The following CHSY3 variants were observed in gnomAD, a reference collection of about 807,000 sequenced individuals.
CHSY3 encodes N-acetylgalactosaminyl-proteoglycan 3-beta-glucuronosyltransferase 3.
Under a neutral mutation model 67.2 loss-of-function variants are expected in CHSY3, and 35 were observed. That is an observed-to-expected ratio of 0.52 (90% CI 0.40 to 0.69). The LOEUF (loss-of-function observed/expected upper bound fraction) is 0.69. Among genes scored for constraint, CHSY3 ranks in the 30% least tolerant of loss-of-function variants. The probability of loss-of-function intolerance (pLI) is 0.00; values close to 1 mark genes in which losing one functional copy is unlikely to be tolerated. For synonymous variants in CHSY3, 474 were observed against 434.7 expected, an observed-to-expected ratio of 1.09 and a Z score of -1.12; for missense variants, 1,069 against 1,138.5, an observed-to-expected ratio of 0.94 and a Z score of 0.88.
chr5:129,977,869 A>T (rs1167116439), intron 2 of CHSY3, among the ~76,000 whole-genome samples: 1 of 32,368 alleles, frequency 3.1e-5, no homozygotes, highest in African/African-American at 8.0e-5. Flanking sequence ...TATAAGAAGT[A>T]AAAAAAAAAA....
chr5:129,977,325 A>G (rs1206599946), intron 2 of CHSY3, among the ~76,000 whole-genome samples: 1 of 152,196 alleles, frequency 6.6e-6, no homozygotes, highest in Non-Finnish European at 1.5e-5. Context: ...GCACAATTAT[A>G]AAGCATAAGC....
chr5:130,140,094 C>T (rs942617639), intron 2 of CHSY3: 3 of 208,258 alleles, frequency 1.4e-5, no homozygotes, highest in Non-Finnish European at 2.9e-5. Context: ...GGGTATTTTC[C>T]AGCATGAACA....
At chr5:130,180,932 A>G (rs187752550) in intron 2 of CHSY3, among the ~76,000 whole-genome samples, 1 of 152,334 alleles carries the variant, frequency 6.6e-6, no homozygotes, top group East Asian at 1.9e-4. Flanking sequence ...TTCATTATTA[A>G]TAATTCTAAG....
At chr5:130,143,565 T>G (rs1023791454) in intron 2 of CHSY3, among the ~76,000 whole-genome samples, 1 of 151,368 alleles carries the variant, frequency 6.6e-6, no homozygotes, top group African/African-American at 2.4e-5. Flanking sequence ...CTGGTTGATA[T>G]TTGGGCCATT....
intron 2 of CHSY3, among the ~76,000 whole-genome samples, chr5:130,181,348 T>G (rs915845069): frequency 2.6e-4 from 39 of 152,196 alleles, no homozygotes; most frequent in Non-Finnish European, 3.5e-4. Flanking sequence ...TGTATCATGA[T>G]CTATAGAAAA....
intron 2 of CHSY3, among the ~76,000 whole-genome samples, chr5:129,948,187 AT>A (rs1761917552): frequency 1.3e-5 from 2 of 152,104 alleles, no homozygotes; most frequent in African/African-American, 4.8e-5. Context: ...ATTTTTATTT[AT>A]TTTTTTATTT....
intron 2 of CHSY3, among the ~76,000 whole-genome samples, chr5:130,049,624 T>G (rs1333026844): frequency 6.6e-6 from 1 of 152,122 alleles, no homozygotes; most frequent in Admixed American, 6.6e-5. Context: ...TGGCAAAGTA[T>G]GAAGATAAAA....
At chr5:130,078,930 T>A (rs1485957246) in intron 2 of CHSY3, among the ~76,000 whole-genome samples, 1 of 152,084 alleles carries the variant, frequency 6.6e-6, no homozygotes, top group Non-Finnish European at 1.5e-5. Flanking sequence ...TAATCACCCA[T>A]CCCTCTGAGC....
At chr5:129,919,415 C>T (rs1311883943) in intron 2 of CHSY3, among the ~76,000 whole-genome samples, 2 of 152,128 alleles carry the variant, frequency 1.3e-5, no homozygotes, top group African/African-American at 4.8e-5. Context: ...TTTTCTCACA[C>T]TGCTGATAGA....
At chr5:129,988,200 T>A (rs2149628025) in intron 2 of CHSY3, among the ~76,000 whole-genome samples, 1 of 152,348 alleles carries the variant, frequency 6.6e-6, no homozygotes, top group South Asian at 2.1e-4. Flanking sequence ...TGAATTTGGA[T>A]GAGTAATGGC....
At chr5:130,138,984 AC>A (rs1768766167) in intron 2 of CHSY3, among the ~76,000 whole-genome samples, 1 of 152,146 alleles carries the variant, frequency 6.6e-6, no homozygotes, top group Non-Finnish European at 1.5e-5. Flanking sequence ...AGATGTTACA[AC>A]CTACTACATA....
intron 2 of CHSY3, among the ~76,000 whole-genome samples, chr5:129,961,763 C>A (rs1762330912): frequency 6.6e-6 from 1 of 151,958 alleles, no homozygotes; most frequent in African/African-American, 2.4e-5. Flanking sequence ...TATGAAATTA[C>A]AACCTGACAT....
chr5:129,905,866 CACTT>C (rs2149572977), intron 1 of CHSY3: 1 of 911,552 alleles, frequency 1.1e-6, no homozygotes, highest in Non-Finnish European at 1.6e-6. Context: ...TCGCCTTCCT[CACTT>C]GCTGTTTTCG....
chr5:130,005,884 T>G (rs1012748886), intron 2 of CHSY3, among the ~76,000 whole-genome samples: 1 of 152,216 alleles, frequency 6.6e-6, no homozygotes, highest in Non-Finnish European at 1.5e-5. Context: ...GCCTTTGTTC[T>G]TTTTAATTTA....
At chr5:130,124,528 T>C (rs1768195990) in intron 2 of CHSY3, among the ~76,000 whole-genome samples, 1 of 151,778 alleles carries the variant, frequency 6.6e-6, no homozygotes, top group Non-Finnish European at 1.5e-5. Context: ...TGATCTCAGC[T>C]CACTGCAACC....
chr5:130,022,086 A>G (rs1764409962), intron 2 of CHSY3, among the ~76,000 whole-genome samples: 1 of 152,076 alleles, frequency 6.6e-6, no homozygotes, highest in Admixed American at 6.6e-5. Context: ...GCTTTTTGAA[A>G]TACCCTCCAG....
chr5:129,910,754 G>C (rs1760510158), intron 2 of CHSY3, among the ~76,000 whole-genome samples: 1 of 151,892 alleles, frequency 6.6e-6, no homozygotes, highest in African/African-American at 2.4e-5. Flanking sequence ...TATGTTAGTG[G>C]AAATGGTGTC....
At chr5:130,161,581 T>C (rs1329028007) in intron 2 of CHSY3, among the ~76,000 whole-genome samples, 3 of 152,204 alleles carry the variant, frequency 2.0e-5, no homozygotes, top group Non-Finnish European at 2.9e-5. Context: ...AGAATTGTGG[T>C]TACATTTTGC....
intron 2 of CHSY3, among the ~76,000 whole-genome samples, chr5:129,970,866 G>A (rs1762622662): frequency 6.6e-6 from 1 of 151,808 alleles, no homozygotes; most frequent in Non-Finnish European, 1.5e-5. Context: ...TAACATTGGG[G>A]AAACATGAGT....
Sources: gnomAD v4.1 joint callset for allele counts (sites outside exome capture counted in the v4.1 genomes callset) on GRCh38, gnomAD v4.1.1 for gene constraint, MANE v1.5 for transcripts, NCBI Gene and HGNC (gene_info 2026-07-23, HGNC 2026-07-21) for gene names.